Variants in RAB3GAP1 observed in about 807,000 individuals in gnomAD.
RAB3GAP1 encodes the protein RAB3 GTPase activating protein catalytic subunit 1.
A neutral mutation model predicts 130.7 loss-of-function variants in RAB3GAP1; 86 were observed. The observed-to-expected ratio is 0.66, with a 90% confidence interval of 0.55 to 0.79. The LOEUF is 0.79. RAB3GAP1 is among the 30% of genes least tolerant of loss of function. The probability of loss-of-function intolerance (pLI) is 0.00; values close to 1 mark genes in which losing one functional copy is unlikely to be tolerated. For synonymous variants in RAB3GAP1, 367 were observed against 401.7 expected, an observed-to-expected ratio of 0.91 and a Z score of 1.03; for missense variants, 1,029 against 1,169.4, an observed-to-expected ratio of 0.88 and a Z score of 1.75.
chr2:135,054,332 G>A (rs952125295), intron 2 of RAB3GAP1, among the ~76,000 whole-genome samples: 1 of 152,294 alleles, frequency 6.6e-6, no homozygotes, highest in East Asian at 1.9e-4. Context: ...GAGACCCTTC[G>A]TTTTAGAGTG....
chr2:135,139,932 CT>C (rs1194513604), intron 17 of RAB3GAP1, among the ~76,000 whole-genome samples: 1 of 152,064 alleles, frequency 6.6e-6, no homozygotes, highest in Non-Finnish European at 1.5e-5. Flanking sequence ...GTTTTTGAAC[CT>C]TTTAAATGGC....
intron 5 of RAB3GAP1, among the ~76,000 whole-genome samples, chr2:135,099,505 G>T (rs1690394716): frequency 1.3e-5 from 2 of 151,322 alleles, no homozygotes; most frequent in Admixed American, 1.3e-4. Context: ...CTAATAGTTT[G>T]TTGAGGACTT....
chr2:135,143,672 C>T (rs928463930), intron 17 of RAB3GAP1, among the ~76,000 whole-genome samples: 5 of 151,894 alleles, frequency 3.3e-5, no homozygotes, highest in Admixed American at 2.0e-4. Flanking sequence ...ATTGTCCTGC[C>T]TCAGCCTCCT....
At chr2:135,137,765 C>G (rs1691714043) in intron 17 of RAB3GAP1, among the ~76,000 whole-genome samples, 1 of 151,770 alleles carries the variant, frequency 6.6e-6, no homozygotes, top group Non-Finnish European at 1.5e-5. Context: ...GGATGTAGAA[C>G]AGCAATAACT....
chr2:135,055,573 G>A (rs1688986116), intron 2 of RAB3GAP1, among the ~76,000 whole-genome samples: 1 of 151,766 alleles, frequency 6.6e-6, no homozygotes, highest in Admixed American at 6.6e-5. Context: ...AGCTAGTCAG[G>A]AGGCTGAGAT....
chr2:135,145,643 G>A (rs778580886), intron 17 of RAB3GAP1, among the ~76,000 whole-genome samples: 1 of 152,006 alleles, frequency 6.6e-6, no homozygotes, highest in Non-Finnish European at 1.5e-5. Context: ...TAAGTTCATA[G>A]TACTTCTTAA....
At chr2:135,081,392 GTATATATGTGTGTGTA>G (rs1337230811) in intron 3 of RAB3GAP1, among the ~76,000 whole-genome samples, 25 of 100,712 alleles carry the variant, frequency 2.5e-4, no homozygotes, top group African/African-American at 6.8e-4. Flanking sequence ...ATATATATAT[GTATATATGTGTGTGTA>G]TATATATGTG....
At chr2:135,108,313 C>T (rs1690692056) in intron 5 of RAB3GAP1, among the ~76,000 whole-genome samples, 4 of 152,022 alleles carry the variant, frequency 2.6e-5, no homozygotes, top group Admixed American at 2.6e-4. Context: ...CATTTGATCT[C>T]CTAATAAATT....
chr2:135,130,066 G>C lies in RAB3GAP1; in HGVS notation c.1045G>C (p.Ala349Pro). The change falls in exon 12 of 24, where the codon GCA becomes CCA. Residue 349 changes from alanine to proline, a missense_variant. By Grantham distance (27) the Ala-to-Pro change is conservative. Around this residue, in one of 3 missense-constraint regions of RAB3GAP1, gnomAD observed 510 missense variants for 532.1 expected, o/e 0.96. Transcript: ENST00000264158. ...AACTGATGAGATTCTTGGACGATCT[G>C]CATTTGAGGAAGAAGGCAAAGGTAA... ...ESTDEILGRS[A>P]FEEEGKETAD... 2 of 1,612,456 alleles carry C rather than the reference G, an allele frequency of 1.2e-6. No homozygotes were observed. The highest frequency in any genetic ancestry group is 1.7e-6 in the Non-Finnish European group (2 of 1,179,056).
At chr2:135,094,871 G>A (rs1373747533) in intron 5 of RAB3GAP1, among the ~76,000 whole-genome samples, 1 of 151,982 alleles carries the variant, frequency 6.6e-6, no homozygotes. Flanking sequence ...GTAAATGACA[G>A]GATTTCATTC....
At chr2:135,148,519 G>A (rs1205028697) in intron 17 of RAB3GAP1, among the ~76,000 whole-genome samples, 4 of 145,808 alleles carry the variant, frequency 2.7e-5, no homozygotes, top group East Asian at 2.0e-4. Context: ...TTTTGGTGAC[G>A]GGATTCTCAC....
In RAB3GAP1 at chr2:135,163,105, A is replaced by G. The variant is rs367775359; in HGVS notation, c.2606+4A>G. On this transcript the variant is annotated splice_donor_region_variant and intron_variant, in intron 22 of 23. Transcript: ENST00000264158. ...AGGAAAAGGAAGATCTTGAAAGGTAATTGCTATTTGGCTAATTCAGTTTTG... is the reference window on the plus strand; with the variant it reads ...AGGAAAAGGAAGATCTTGAAAGGTAGTTGCTATTTGGCTAATTCAGTTTTG... 7.0e-5 allele frequency: 113 copies of G among 1,603,574 alleles called. 3 individuals carry two copies. In the South Asian group the frequency reaches 9.0e-4, roughly 13 times the overall value.
intron 3 of RAB3GAP1, among the ~76,000 whole-genome samples, chr2:135,086,787 C>T (rs1689999355): frequency 6.6e-6 from 1 of 150,804 alleles, no homozygotes; most frequent in Admixed American, 6.7e-5. Flanking sequence ...GATCCTCCTG[C>T]CTTAGCCTCC....
intron 3 of RAB3GAP1, among the ~76,000 whole-genome samples, chr2:135,087,599 ATTAAG>A (rs1690023007): frequency 6.6e-6 from 1 of 152,130 alleles, no homozygotes; most frequent in African/African-American, 2.4e-5. Context: ...CTCATCTTTC[ATTAAG>A]TTTATTCCTA....
chr2:135,162,639 G>T lies in RAB3GAP1; in HGVS notation c.2374G>T (p.Val792Leu). The change falls in exon 20 of 24, where the codon GTA becomes TTA. Residue 792 changes from valine to leucine, a missense_variant. Physicochemically the swap from Val to Leu is conservative, Grantham distance 32. Transcript: ENST00000264158. The stretch of plus-strand genomic sequence containing the variant: ...TGTGATTCATGCAGCTGTACTCAAG[G>T]TAAAGGAAGAAGGTAAATGTCATAT... ...PCVIHAAVLK[V>L]KEEESLENIS... 1 of 1,613,906 alleles carries T rather than the reference G, an allele frequency of 6.2e-7. No individual in the cohort carries two copies. The highest frequency in any genetic ancestry group is 8.5e-7 in the Non-Finnish European group (1 of 1,179,790).
In RAB3GAP1 at chr2:135,085,330, C is replaced by T. The variant is rs187027250; in HGVS notation, c.151-5668C>T. Among the ~76,000 whole-genome samples, 201 of 152,146 alleles carry T rather than the reference C, an allele frequency of 1.3e-3. 2 individuals are homozygous for T. Among genetic ancestry groups the T allele is most frequent in the African/African-American group, 4.3e-3 (178 of 41,504 alleles). On this transcript the variant is annotated intron_variant, in intron 3 of 23. Coordinates refer to ENST00000264158, the MANE Select transcript of RAB3GAP1 (RefSeq NM_012233.3). The stretch of plus-strand genomic sequence containing the variant: ...ATAAAAATATATGGAGGTGTATAAT[C>T]AGATTTTTACTGATAGAGGTCACTG...
downstream of RAB3GAP1, among the ~76,000 whole-genome samples, chr2:135,173,205 A>G (rs1482569911): frequency 1.3e-5 from 2 of 152,086 alleles, no homozygotes; most frequent in African/African-American, 4.8e-5. Flanking sequence ...GGTTGGCTAT[A>G]TAAGTTTGGA....
chr2:135,071,291 C>T (rs1689466040), intron 3 of RAB3GAP1, among the ~76,000 whole-genome samples: 1 of 152,180 alleles, frequency 6.6e-6, no homozygotes, highest in South Asian at 2.1e-4. Flanking sequence ...CTAACTTCAT[C>T]CCCTGTCCAA....
intron 5 of RAB3GAP1, among the ~76,000 whole-genome samples, chr2:135,098,110 T>C (rs947772157): frequency 6.6e-6 from 1 of 152,214 alleles, no homozygotes; most frequent in African/African-American, 2.4e-5. Context: ...ATTTTGAACA[T>C]CTTTCGTGTG....
Sources: gnomAD v4.1 joint callset for allele counts (sites outside exome capture counted in the v4.1 genomes callset) on GRCh38, gnomAD v4.1.1 for gene constraint, gnomAD v4.1.1 regional missense constraint, MANE v1.5 for transcripts, NCBI Gene and HGNC (gene_info 2026-07-23, HGNC 2026-07-21) for gene names.